Variants in FAM110B observed in about 807,000 individuals in gnomAD.
FAM110B encodes protein FAM110B.
Under a neutral mutation model 20.4 loss-of-function variants are expected in FAM110B, and 6 were observed. That is an observed-to-expected ratio of 0.29 (90% CI 0.16 to 0.58). FAM110B has a LOEUF of 0.58. Among genes scored for constraint, FAM110B ranks in the 20% least tolerant of loss-of-function variants. The probability of loss-of-function intolerance (pLI) is 0.90; values close to 1 mark genes in which losing one functional copy is unlikely to be tolerated. For synonymous variants in FAM110B, 226 were observed against 214.1 expected (o/e 1.06, Z -0.49); for missense variants, 434 against 498.2 (o/e 0.87, Z 1.23).
chr8:58,114,728 T>C (rs374342840), intron 3 of FAM110B, among the ~76,000 whole-genome samples: 10 of 152,166 alleles, frequency 6.6e-5, no homozygotes, highest in African/African-American at 2.4e-4. Context: ...TCTAAATGGG[T>C]CCCATGTGGA....
chr8:58,094,027 T>A (rs9657060), intron 3 of FAM110B, among the ~76,000 whole-genome samples: 11,503 of 152,128 alleles, frequency 0.076, 919 homozygotes, highest in African/African-American at 0.2. Flanking sequence ...ATGGGAGTTC[T>A]CTCATGATTT....
At chr8:58,131,443 T>G (rs10113330) in intron 3 of FAM110B, among the ~76,000 whole-genome samples, 11,411 of 152,180 alleles carry the variant, frequency 0.075, 998 homozygotes, top group African/African-American at 0.21. Flanking sequence ...GTTTTTACCA[T>G]TGAAAAATAA....
chr8:58,049,414 TA>T (rs1805395159), intron 2 of FAM110B, among the ~76,000 whole-genome samples: 1 of 152,078 alleles, frequency 6.6e-6, no homozygotes, highest in African/African-American at 2.4e-5. Context: ...TTTTTTTTTT[TA>T]AATGTAGTTG....
intron 3 of FAM110B, among the ~76,000 whole-genome samples, chr8:58,104,377 A>C (rs1218587762): frequency 2.0e-5 from 3 of 152,260 alleles, no homozygotes; most frequent in Admixed American, 6.5e-5. Context: ...AATAAAAATG[A>C]AATTTAAATA....
chr8:58,042,852 T>A lies in FAM110B; in HGVS notation c.-414+11149T>A, dbSNP rs1476798352. On this transcript the variant is annotated intron_variant, in intron 2 of 3. Transcript: ENST00000519262. Reference sequence around the variant, plus strand: ...ATCTGCAAATTAACATGCCAGGACTTTTTCTGGTTTCTAGCTGTCCCACTT... The same window carrying A: ...ATCTGCAAATTAACATGCCAGGACTATTTCTGGTTTCTAGCTGTCCCACTT... Among the ~76,000 whole-genome samples, 5 of 152,246 alleles carry A rather than the reference T, an allele frequency of 3.3e-5. No homozygotes were observed. In the East Asian group the frequency reaches 9.6e-4, roughly 29 times the overall value.
At chr8:58,074,863 T>G (rs781260976) in intron 2 of FAM110B, among the ~76,000 whole-genome samples, 1 of 152,090 alleles carries the variant, frequency 6.6e-6, no homozygotes, top group Non-Finnish European at 1.5e-5. Context: ...TAAACTCTTA[T>G]CACTCTTTCA....
chr8:58,134,841 A>G (rs1267182558), intron 3 of FAM110B, among the ~76,000 whole-genome samples: 1 of 152,226 alleles, frequency 6.6e-6, no homozygotes, highest in Non-Finnish European at 1.5e-5. Context: ...TTGTGCATTT[A>G]AGCTATTAAC....
chr8:58,086,699 C>A (rs1461891037), intron 3 of FAM110B, among the ~76,000 whole-genome samples: 1 of 152,188 alleles, frequency 6.6e-6, no homozygotes, highest in Non-Finnish European at 1.5e-5. Context: ...GTAAAATACT[C>A]TACAAACTGC....
intron 3 of FAM110B, among the ~76,000 whole-genome samples, chr8:58,086,682 C>T (rs1806344861): frequency 1.3e-5 from 2 of 152,168 alleles, no homozygotes; most frequent in Non-Finnish European, 2.9e-5. Flanking sequence ...CAATATTGCT[C>T]TCATATGTAA....
intron 1 of FAM110B, among the ~76,000 whole-genome samples, chr8:58,008,937 G>T (rs776218188): frequency 2.6e-5 from 4 of 152,078 alleles, no homozygotes; most frequent in African/African-American, 4.8e-5. Flanking sequence ...CTCCTGTCTG[G>T]CTCCTCTCTA....
At chr8:58,122,987 G>A (rs1807400304) in intron 3 of FAM110B, among the ~76,000 whole-genome samples, 1 of 152,174 alleles carries the variant, frequency 6.6e-6, no homozygotes, top group South Asian at 2.1e-4. Flanking sequence ...TCCTAGGGCT[G>A]ATCAGTTTCT....
intron 1 of FAM110B, among the ~76,000 whole-genome samples, chr8:58,029,255 CTA>C (rs1380523621): frequency 2.0e-5 from 3 of 152,160 alleles, no homozygotes; most frequent in African/African-American, 7.2e-5. Context: ...TTGAGAGACT[CTA>C]TAAATCGACT....
In FAM110B at chr8:58,128,685, G is replaced by A. The variant is rs575799328; in HGVS notation, c.-324-17222G>A. ...TGCAAGTGGGGGAAATGGATTTGGGGATGACACATCACTTTTCTGAGGTAT... is the reference window on the plus strand; with the variant it reads ...TGCAAGTGGGGGAAATGGATTTGGGAATGACACATCACTTTTCTGAGGTAT... On this transcript the variant is annotated intron_variant, in intron 3 of 3. Transcript: ENST00000519262. Among the ~76,000 whole-genome samples the A allele has an allele frequency of 3.3e-5, 5 of 152,314 alleles. No homozygotes were observed. The East Asian group carries it at 9.6e-4, about 29-fold the overall frequency.
intron 1 of FAM110B, among the ~76,000 whole-genome samples, chr8:57,997,849 T>G (rs1249770704): frequency 1.3e-5 from 2 of 152,170 alleles, no homozygotes; most frequent in Non-Finnish European, 2.9e-5. Flanking sequence ...TGATGGTGGG[T>G]GTGGTGTCTC....
chr8:58,067,476 C>G (rs1402580640), intron 2 of FAM110B, among the ~76,000 whole-genome samples: 1 of 152,184 alleles, frequency 6.6e-6, no homozygotes, highest in Non-Finnish European at 1.5e-5. Flanking sequence ...CCTCCTCCAT[C>G]CACTGCCCTC....
At chr8:58,020,558 A>G (rs151065469) in intron 1 of FAM110B, among the ~76,000 whole-genome samples, 11 of 152,322 alleles carry the variant, frequency 7.2e-5, no homozygotes, top group Non-Finnish European at 1.3e-4. Flanking sequence ...TCAGCCTTTT[A>G]AAAACAAGTC....
chr8:58,074,102 C>T (rs1805972517), intron 2 of FAM110B, among the ~76,000 whole-genome samples: 1 of 152,166 alleles, frequency 6.6e-6, no homozygotes, highest in African/African-American at 2.4e-5. Flanking sequence ...TCCCACCCTC[C>T]GGACCCCACC....
At chr8:58,106,920 C>T (rs1302464009) in intron 3 of FAM110B, among the ~76,000 whole-genome samples, 5 of 152,316 alleles carry the variant, frequency 3.3e-5, no homozygotes, top group African/African-American at 9.6e-5. Flanking sequence ...ACATTTATAA[C>T]TGACGATAAG....
chr8:58,039,822 T>A (rs1354816861), intron 2 of FAM110B, among the ~76,000 whole-genome samples: 1 of 152,170 alleles, frequency 6.6e-6, no homozygotes. Context: ...AGTGATGTGA[T>A]CATAGCTCAC....
Sources: gnomAD v4.1 joint callset for allele counts (sites outside exome capture counted in the v4.1 genomes callset) on GRCh38, gnomAD v4.1.1 for gene constraint, MANE v1.5 for transcripts, NCBI Gene and HGNC (gene_info 2026-07-23, HGNC 2026-07-21) for gene names.